ETF1: variants seen among roughly 807,000 people sequenced by gnomAD.
ETF1 encodes eukaryotic translation termination factor 1, also known as eukaryotic peptide chain release factor subunit 1.
In ETF1, 4 loss-of-function variants were observed where a neutral mutation model predicts 55.1. That is an observed-to-expected ratio of 0.07 (90% CI 0.04 to 0.17). The LOEUF is 0.17. ETF1 is among the 10% of genes least tolerant of loss of function. The pLI is 1.00. For synonymous variants in ETF1, 157 were observed against 182.3 expected (o/e 0.86, Z 1.12); for missense variants, 142 against 523.6 (o/e 0.27, Z 7.11).
intron 4 of ETF1, among the ~76,000 whole-genome samples, chr5:138,515,431 A>C (rs1764978750): frequency 6.6e-6 from 1 of 152,160 alleles, no homozygotes; most frequent in South Asian, 2.1e-4. Flanking sequence ...TCTCAGAAAA[A>C]AGAAAAAGAA....
In ETF1 at chr5:138,510,363, A is replaced by C. The variant is rs1289978508; in HGVS notation, c.1083+202T>G. 1.9e-4 allele frequency among the ~76,000 whole-genome samples: 9 copies of C among 47,728 alleles called. No individual in the cohort carries two copies. In the East Asian group the frequency reaches 0.01, roughly 55 times the overall value. The allele number at this position is 47,728 out of a possible 152,430, so 31.3% of individuals were successfully genotyped here. A position where few individuals can be genotyped will look rare whatever the true frequency, so the allele number is the denominator to read the frequency against. On this transcript the variant is annotated intron_variant, in intron 9 of 10. Coordinates refer to ENST00000360541, the MANE Select transcript of ETF1 (RefSeq NM_004730.4). ...ACAGAGCAAGACCTTGTCTCAAAAA[A>C]AAAAAAAAAAAAAAAAAAAAAAAAA...
rs138575795 is a variant in ETF1 at position 138,511,543 on chromosome 5, T to C, written c.794A>G (p.Asn265Ser). ...DISYGGENGF[N>S]QAIELSTEVL... ...TTCAGTAGATAACTCAATAGCTTGGTTGAATCCATTTTCACCACCATAGGA... is the reference window on the plus strand; with the variant it reads ...TTCAGTAGATAACTCAATAGCTTGGCTGAATCCATTTTCACCACCATAGGA... The change falls in exon 7 of 11, where the codon AAC becomes AGC. Residue 265 changes from asparagine to serine, a missense_variant. Physicochemically the swap from Asn to Ser is conservative, Grantham distance 46. Coordinates refer to ENST00000360541, the MANE Select transcript of ETF1 (RefSeq NM_004730.4). The C allele has an allele frequency of 4.3e-6, 7 of 1,613,250 alleles. No homozygotes were observed. Among genetic ancestry groups the C allele is most frequent in the African/African-American group, 1.3e-5 (1 of 74,908 alleles).
intron 2 of ETF1, among the ~76,000 whole-genome samples, chr5:138,539,465 G>A (rs1766084487): frequency 6.6e-6 from 1 of 152,196 alleles, no homozygotes; most frequent in Non-Finnish European, 1.5e-5. Flanking sequence ...CAACTGTGGA[G>A]CATATACCAG....
chr5:138,519,662 CG>C (rs1765157881), intron 2 of ETF1, among the ~76,000 whole-genome samples: 1 of 144,864 alleles, frequency 6.9e-6, no homozygotes. Flanking sequence ...GACTTAGTCT[CG>C]AGAAAAAAAA....
rs762104715 is a variant in ETF1, at chr5:138,525,004, C to T, written c.87-6137G>A. Among the ~76,000 whole-genome samples the T allele has an allele frequency of 1.5e-3, 228 of 151,024 alleles. 6 individuals are homozygous for T. The highest frequency in any genetic ancestry group is 3.2e-3 in the Middle Eastern group (1 of 312). ...TCATCATGACTAAAAATAATAGGACCCAGGATATTTCTTTTAATGTCTCTT... is the reference window on the plus strand; with the variant it reads ...TCATCATGACTAAAAATAATAGGACTCAGGATATTTCTTTTAATGTCTCTT... On this transcript the variant is annotated intron_variant, in intron 2 of 10. Transcript: ENST00000360541.
At chr5:138,525,587 A>G (rs1180798369) in intron 2 of ETF1, among the ~76,000 whole-genome samples, 2 of 152,186 alleles carry the variant, frequency 1.3e-5, no homozygotes, top group African/African-American at 4.8e-5. Flanking sequence ...ACCAGTATAA[A>G]TTGAGCTGAC....
chr5:138,521,358 T>TTA (rs1285809476), intron 2 of ETF1, among the ~76,000 whole-genome samples: 2 of 152,178 alleles, frequency 1.3e-5, no homozygotes, highest in African/African-American at 4.8e-5. Context: ...AATAGTTGTT[T>TTA]TAGTTTTACA....
At position 138,512,248 on chromosome 5, in the gene ETF1, ATATATATATATT is replaced by A. The variant is rs1366702271; in HGVS notation, c.732+504_732+515del. 9.3e-4 allele frequency among the ~76,000 whole-genome samples: 11 copies of A among 11,860 alleles called. 1 individual carries two copies. Among genetic ancestry groups the A allele is most frequent in the African/African-American group, 2.8e-3 (10 of 3,616 alleles). The allele number at this position is 11,860 out of a possible 152,430, so 7.8% of individuals were successfully genotyped here. A position where few individuals can be genotyped will look rare whatever the true frequency, so the allele number is the denominator to read the frequency against. On this transcript the variant is annotated intron_variant, in intron 6 of 10. Transcript: ENST00000360541. ...AAAATATATATATATATATATATAT[ATATATATATATT>A]TTTTTTTTTTTTTAAAGGCAATTTC...
intron 2 of ETF1, among the ~76,000 whole-genome samples, chr5:138,522,087 G>C (rs1765254854): frequency 6.8e-6 from 1 of 147,472 alleles, no homozygotes; most frequent in Non-Finnish European, 1.5e-5. Context: ...CTACAGAGTA[G>C]CCATTCTCTT....
intron 10 of ETF1, 140 bp from the exon 11 acceptor site, chr5:138,508,527 A>G: frequency 6.4e-7 from 1 of 1,552,970 alleles, no homozygotes; most frequent in African/African-American, 1.4e-5. Flanking sequence ...CATGGGTCCA[A>G]ATTAGGAACC....
intron 9 of ETF1, chr5:138,509,039 A>C: frequency 2.0e-6 from 2 of 985,314 alleles, no homozygotes. Context: ...CTCTACCCTC[A>C]GCTATGAAAT....
At chr5:138,529,751 G>A (rs1765618000) in intron 2 of ETF1, 2 of 977,994 alleles carry the variant, frequency 2.0e-6, no homozygotes, top group Non-Finnish European at 2.4e-6. Context: ...CAAAACTCAA[G>A]TAGAAAGATA....
chr5:138,542,508 G>C (rs1474603420), intron 2 of ETF1: 24 of 679,314 alleles, frequency 3.5e-5, no homozygotes, highest in Non-Finnish European at 4.5e-5. Flanking sequence ...ACCCGAGTCG[G>C]GTGGCAGCAC....
rs1436090873 is a variant in ETF1, at chr5:138,512,241, T to TAC, written c.732+522_732+523insGT. ...AAAAAAAAAAATATATATATATATA[T>TAC]ATATATATATATATATATTTTTTTT... On this transcript the variant is annotated intron_variant, in intron 6 of 10. Transcript: ENST00000360541. Among the ~76,000 whole-genome samples the TAC allele has an allele frequency of 6.4e-3, 37 of 5,778 alleles. 1 individual carries two copies. Among genetic ancestry groups the TAC allele is most frequent in the African/African-American group, 0.014 (35 of 2,460 alleles). 3.8% of individuals were successfully genotyped at this position (5,778 alleles called of 152,430 possible).
chr5:138,518,200 T>TC lies in ETF1; in HGVS notation c.262+491dup, dbSNP rs1370066363. 2.8e-4 allele frequency among the ~76,000 whole-genome samples: 19 copies of TC among 69,014 alleles called. No individual in the cohort carries two copies. The South Asian group carries it at 9.6e-3, about 35-fold the overall frequency. The allele number at this position is 69,014 out of a possible 152,430, so 45.3% of individuals were successfully genotyped here. The stretch of plus-strand genomic sequence containing the variant: ...GGTGACAGAGCAAGACTCTGTCTCA[T>TC]CCCAAAAAAAAAAAAAAAAAAAAAA... On this transcript the variant is annotated intron_variant, in intron 3 of 10. Transcript: ENST00000360541.
At position 138,539,274 on chromosome 5, in the gene ETF1, A is replaced by G. The variant is rs549458088; in HGVS notation, c.86+3559T>C. Among the ~76,000 whole-genome samples, 4 of 152,290 alleles carry G rather than the reference A, an allele frequency of 2.6e-5. No individual in the cohort carries two copies. The South Asian group carries it at 6.2e-4, about 24-fold the overall frequency. On this transcript the variant is annotated intron_variant, in intron 2 of 10. Coordinates refer to ENST00000360541, the MANE Select transcript of ETF1 (RefSeq NM_004730.4). ...TTATGATTTTATTAACATTACCTTAAAACTATAAGGTGTCCAACATTATTT... is the reference window on the plus strand; with the variant it reads ...TTATGATTTTATTAACATTACCTTAGAACTATAAGGTGTCCAACATTATTT...
chr5:138,515,619 T>C (rs962629542), intron 4 of ETF1, among the ~76,000 whole-genome samples: 1 of 152,114 alleles, frequency 6.6e-6, no homozygotes, highest in Non-Finnish European at 1.5e-5. Flanking sequence ...AAAGCTAAAA[T>C]GTACAAAGTT....
chr5:138,511,937 C>T (rs1396361122), intron 6 of ETF1: 1 of 973,534 alleles, frequency 1.0e-6, no homozygotes, highest in African/African-American at 1.8e-5. Flanking sequence ...GTGGCTCACA[C>T]CTATAATCCC....
At chr5:138,537,713 G>A (rs571483514) in intron 2 of ETF1, among the ~76,000 whole-genome samples, 9 of 124,398 alleles carry the variant, frequency 7.2e-5, no homozygotes, top group African/African-American at 1.8e-4. Flanking sequence ...TCAGCCTCCC[G>A]AGTAGCTGGG....
Sources: allele counts gnomAD v4.1 joint callset (sites outside exome capture counted in the v4.1 genomes callset), GRCh38; gene constraint gnomAD v4.1.1; transcripts MANE v1.5; gene names NCBI Gene and HGNC (gene_info 2026-07-23, HGNC 2026-07-21).